KLHDC8A: variants seen among roughly 807,000 people sequenced by gnomAD.
KLHDC8A encodes kelch domain-containing protein 8A.
Under a neutral mutation model 33.1 loss-of-function variants are expected in KLHDC8A, and 21 were observed. The observed-to-expected ratio is 0.64, with a 90% CI of 0.45 to 0.91. The LOEUF (loss-of-function observed/expected upper bound fraction) is 0.91. Among genes scored for constraint, KLHDC8A ranks in the 40% least tolerant of loss-of-function variants. The probability of loss-of-function intolerance (pLI) is 0.00; values close to 1 mark genes in which losing one functional copy is unlikely to be tolerated. For missense variants in KLHDC8A, 435 were observed against 483.3 expected (o/e 0.90, Z 0.94); for synonymous variants, 173 against 193.5 (o/e 0.89, Z 0.88).
intron 2 of KLHDC8A, among the ~76,000 whole-genome samples, chr1:205,341,606 A>G (rs1662790191): frequency 6.6e-6 from 1 of 151,720 alleles, no homozygotes; most frequent in Non-Finnish European, 1.5e-5. Flanking sequence ...CTGTTACCCT[A>G]TTCCATCACC....
intron 2 of KLHDC8A, among the ~76,000 whole-genome samples, chr1:205,340,694 C>G (rs757876560): frequency 2.0e-5 from 3 of 152,208 alleles, no homozygotes; most frequent in Non-Finnish European, 4.4e-5. Flanking sequence ...AGGCTGGTCT[C>G]AAACTCCTGA....
At chr1:205,352,144 G>T (rs1160815551) in intron 1 of KLHDC8A, among the ~76,000 whole-genome samples, 2 of 152,136 alleles carry the variant, frequency 1.3e-5, no homozygotes, top group Admixed American at 6.5e-5. Context: ...CACCCTGAAA[G>T]GTCCCAGGCC....
In KLHDC8A at chr1:205,347,717, T is replaced by TA. The variant is rs200544040; in HGVS notation, c.-189-3925dup. 3.9e-3 allele frequency among the ~76,000 whole-genome samples: 596 copies of TA among 150,890 alleles called. 3 individuals are homozygous for TA. The highest frequency in any genetic ancestry group is 0.013 in the African/African-American group (547 of 41,132). On this transcript the variant is annotated intron_variant, in intron 1 of 5. Transcript: ENST00000367155. ...GTGACACAGCAAGACCCTGTCTCTC[T>TA]AAAAAAAAAGTGTTTCATTTTTCCC...
chr1:205,340,300 C>T (rs548017888), intron 2 of KLHDC8A, among the ~76,000 whole-genome samples: 123 of 152,154 alleles, frequency 8.1e-4, no homozygotes, highest in African/African-American at 2.8e-3. Context: ...CAGGTGTGAG[C>T]GACTGTGCCC....
At chr1:205,351,602 C>CAA (rs869257465) in intron 1 of KLHDC8A, 4,530 of 105,456 alleles carry the variant, frequency 0.043, 135 homozygotes, top group African/African-American at 0.071. Context: ...CTGTAATAGT[C>CAA]AAAAAAAAAA....
chr1:205,355,864 C>T (rs919518449), intron 1 of KLHDC8A, among the ~76,000 whole-genome samples: 6 of 152,298 alleles, frequency 3.9e-5, no homozygotes, highest in Middle Eastern at 3.4e-3. Context: ...TGTGCCATTG[C>T]TGTCAAAGCA....
At chr1:205,350,801 C>CTGTGTGTGCGTGTG in intron 1 of KLHDC8A, among the ~76,000 whole-genome samples, 1 of 74,420 alleles carries the variant, frequency 1.3e-5, no homozygotes, top group South Asian at 5.8e-4. Context: ...GCGTGCGTGC[C>CTGTGTGTGCGTGTG]TGTGTGTGCA....
At chr1:205,344,744 A>T (rs899389302) in intron 1 of KLHDC8A, among the ~76,000 whole-genome samples, 1 of 152,038 alleles carries the variant, frequency 6.6e-6, no homozygotes, top group Non-Finnish European at 1.5e-5. Flanking sequence ...TAACATATAC[A>T]CCCACTTGCA....
intron 1 of KLHDC8A, among the ~76,000 whole-genome samples, chr1:205,351,865 G>A (rs1423839567): frequency 2.0e-5 from 3 of 151,916 alleles, no homozygotes; most frequent in African/African-American, 7.3e-5. Context: ...GTTGCGGTGA[G>A]CTGAGATGGT....
Position 205,347,896 on chromosome 1 carries a change from A to T in KLHDC8A, c.-189-4103T>A, listed in dbSNP as rs181868285. ...GGATGCTCAGCCCCAGAAAAAAGTC[A>T]CTCAGTACGTTTTGGGTTTTGTTTC... is the stretch of plus-strand genomic sequence containing the variant. On this transcript the variant is annotated intron_variant, in intron 1 of 5. Transcript: ENST00000367155. Among the ~76,000 whole-genome samples, 393 of 152,076 alleles carry T rather than the reference A, an allele frequency of 2.6e-3. 2 individuals carry two copies. The highest frequency in any genetic ancestry group is 9.4e-4 in the Non-Finnish European group (64 of 67,976).
intron 1 of KLHDC8A, among the ~76,000 whole-genome samples, chr1:205,355,477 C>G (rs1427832100): frequency 2.0e-5 from 3 of 152,174 alleles, no homozygotes; most frequent in African/African-American, 7.2e-5. Context: ...ATAATAACCA[C>G]CACTCATTAT....
chr1:205,351,511 C>G, intron 1 of KLHDC8A: 2 of 762,632 alleles, frequency 2.6e-6, no homozygotes, highest in Non-Finnish European at 4.9e-6. Context: ...CCCATGCTCT[C>G]TCTCCATAGG....
chr1:205,341,229 A>G (rs2102282085), intron 2 of KLHDC8A, among the ~76,000 whole-genome samples: 1 of 152,124 alleles, frequency 6.6e-6, no homozygotes, highest in Non-Finnish European at 1.5e-5. Context: ...TCTCTTTCTC[A>G]GGGAGCCACC....
At chr1:205,351,826 G>A (rs919684360) in intron 1 of KLHDC8A, among the ~76,000 whole-genome samples, 1 of 152,070 alleles carries the variant, frequency 6.6e-6, no homozygotes, top group African/African-American at 2.4e-5. Flanking sequence ...GGCTGAGGCA[G>A]GAGAATCACT....
chr1:205,350,357 G>T (rs1663063717), intron 1 of KLHDC8A, among the ~76,000 whole-genome samples: 1 of 152,212 alleles, frequency 6.6e-6, no homozygotes, highest in Non-Finnish European at 1.5e-5. Flanking sequence ...CTGCTGCCAG[G>T]AGAGTATGCA....
chr1:205,343,690 A>G lies in KLHDC8A; in HGVS notation c.-86T>C. On this transcript the variant is annotated 5_prime_UTR_variant, in exon 2 of 6. Transcript: ENST00000367155. ...CTTGGCGCCGGCTCCCACGGCCCCT[A>G]TCGCCACCTCCATCTGGCTCCCGAG... 3 of 1,386,226 alleles carry G rather than the reference A, an allele frequency of 2.2e-6. No individual in the cohort carries two copies. The highest frequency in any genetic ancestry group is 2.7e-4 in the Middle Eastern group (1 of 3,772). The allele number at this position is 1,386,226 out of a possible 1,614,324, so 85.9% of individuals were successfully genotyped here.
In KLHDC8A at chr1:205,339,891, GC is replaced by G. The variant is rs1662745934; in HGVS notation, c.377-84del. ...CCACCAGCATCTATTGCCTCCCATG[GC>G]CAGGCCAAGCTTTCAACCACTGCTC... On this transcript the variant is annotated intron_variant, in intron 2 of 5. Coordinates refer to ENST00000367155, the MANE Select transcript of KLHDC8A (RefSeq NM_018203.3). This position sits in a 1 kb window ranked among gnomAD's most constrained non-coding sequence, Gnocchi z 5.1. 2 of 1,316,518 alleles carry G rather than the reference GC, an allele frequency of 1.5e-6. No individual in the cohort carries two copies. Among genetic ancestry groups the G allele is most frequent in the African/African-American group, 1.5e-5 (1 of 68,816 alleles). The allele number at this position is 1,316,518 out of a possible 1,614,324, so 81.6% of individuals were successfully genotyped here.
chr1:205,343,752 G>T lies in KLHDC8A; in HGVS notation c.-148C>A. On this transcript the variant is annotated 5_prime_UTR_variant, in exon 2 of 6. Coordinates refer to ENST00000367155, the MANE Select transcript of KLHDC8A (RefSeq NM_018203.3). ...GCCAGACCCCGGCCAGTGCTTCACCGTGCCCCGAGTCTCAGCGGTCCGGCG... is the reference window on the plus strand; with the variant it reads ...GCCAGACCCCGGCCAGTGCTTCACCTTGCCCCGAGTCTCAGCGGTCCGGCG... 1 of 852,396 alleles carries T rather than the reference G, an allele frequency of 1.2e-6. No individual in the cohort carries two copies. The highest frequency in any genetic ancestry group is 1.7e-6 in the Non-Finnish European group (1 of 575,862). 52.8% of individuals were successfully genotyped at this position (852,396 alleles called of 1,614,324 possible). A position where few individuals can be genotyped will look rare whatever the true frequency, so the allele number is the denominator to read the frequency against.
chr1:205,345,731 A>G (rs947905254), intron 1 of KLHDC8A, among the ~76,000 whole-genome samples: 2 of 152,012 alleles, frequency 1.3e-5, no homozygotes, highest in African/African-American at 4.8e-5. Context: ...ACAGAGCAAG[A>G]CTCTGTCTCA....
Sources: allele counts gnomAD v4.1 joint callset (sites outside exome capture counted in the v4.1 genomes callset), GRCh38; gene constraint gnomAD v4.1.1; non-coding constraint Gnocchi (gnomAD v3.1); transcripts MANE v1.5; gene names NCBI Gene and HGNC (gene_info 2026-07-23, HGNC 2026-07-21).